The following ITPR3 variants were observed in gnomAD, a reference collection of about 807,000 sequenced individuals.
ITPR3 encodes the protein inositol 1,4,5-trisphosphate receptor type 3.
Under a neutral mutation model 293.2 loss-of-function variants are expected in ITPR3, and 173 were observed. The observed-to-expected ratio is 0.59, with a 90% CI of 0.52 to 0.67. The LOEUF is 0.67. Ranked by LOEUF, ITPR3 falls within the 30% of genes least tolerant of loss-of-function variation. The probability of loss-of-function intolerance (pLI) is 0.00; values close to 1 mark genes in which losing one functional copy is unlikely to be tolerated. For synonymous variants in ITPR3, 1,295 were observed against 1,444.4 expected, an observed-to-expected ratio of 0.90 and a Z score of 2.35; for missense variants, 2,796 against 3,592.1, an observed-to-expected ratio of 0.78 and a Z score of 5.66.
chr6:33,641,517 A>G (rs550375370), intron 2 of ITPR3, among the ~76,000 whole-genome samples: 4 of 152,250 alleles, frequency 2.6e-5, no homozygotes, highest in South Asian at 2.1e-4. Context: ...CCTGTCTGCA[A>G]TTCTGTTCCT....
intron 1 of ITPR3, among the ~76,000 whole-genome samples, chr6:33,639,170 G>A (rs957713741): frequency 2.6e-4 from 40 of 152,222 alleles, no homozygotes; most frequent in Non-Finnish European, 5.4e-4. Flanking sequence ...CACGAGGTCA[G>A]GAGTTTGAGA....
Position 33,684,561 on chromosome 6 carries a change from G to A in ITPR3, c.5047-37G>A, listed in dbSNP as rs375032560. ...TCAGGCCAGTGGTCAGTGGTGGGCT[G>A]TACCCACAATGGGGCCTCACTCCCA... On this transcript the variant is annotated intron_variant, in intron 37 of 57. Coordinates refer to ENST00000605930, the MANE Select transcript of ITPR3 (RefSeq NM_002224.4). This position sits in a 1 kb window ranked among gnomAD's most constrained non-coding sequence, Gnocchi z 4.2. 1,857 of 1,606,808 alleles carry A rather than the reference G, an allele frequency of 1.2e-3. 35 individuals carry two copies. In the South Asian group the frequency reaches 0.018, roughly 16 times the overall value.
At chr6:33,668,819 G>A (rs1051979200) in intron 17 of ITPR3, among the ~76,000 whole-genome samples, 155 bp from the exon 18 acceptor site, 1 of 152,206 alleles carries the variant, frequency 6.6e-6, no homozygotes, top group Non-Finnish European at 1.5e-5. Context: ...AAGGGGCACA[G>A]AAAAGAATGA....
intron 18 of ITPR3, 137 bp downstream of exon 18, chr6:33,669,293 C>T (rs1764696598): frequency 1.2e-6 from 1 of 837,174 alleles, no homozygotes; most frequent in African/African-American, 1.7e-5. Flanking sequence ...GGAGTCCCTG[C>T]TGTCACTCCC....
At position 33,664,798 on chromosome 6, in the gene ITPR3, G is replaced by A. The variant is rs1393405586; in HGVS notation, c.1149-72G>A. ...GTGGCAGCTGTGGCAGTGTTGGGGA[G>A]GTAGGCCGGCAGGCAGCATGACGTG... On this transcript the variant is annotated intron_variant, in intron 11 of 57. Coordinates refer to ENST00000605930, the MANE Select transcript of ITPR3 (RefSeq NM_002224.4). The surrounding 1 kb of genome is among the most constrained non-coding windows in gnomAD (Gnocchi z 4.4). 1.5e-6 allele frequency: 2 copies of A among 1,340,544 alleles called. No homozygotes were observed. The highest frequency in any genetic ancestry group is 1.8e-5 in the Admixed American group (1 of 54,166). The allele number at this position is 1,340,544 out of a possible 1,614,324, so 83.0% of individuals were successfully genotyped here.
chr6:33,667,764 G>C lies in ITPR3; in HGVS notation c.1714-28G>C. 1 of 1,612,692 alleles carries C rather than the reference G, an allele frequency of 6.2e-7. No individual in the cohort carries two copies. Among genetic ancestry groups the C allele is most frequent in the South Asian group, 1.1e-5 (1 of 90,916 alleles). ...GCCCTTGGCCCACCTGTGACTCTCT[G>C]TGACCCCCAGCCTGTCTGCCCCCCC... On this transcript the variant is annotated intron_variant, in intron 15 of 57. Coordinates refer to ENST00000605930, the MANE Select transcript of ITPR3 (RefSeq NM_002224.4). This position sits in a 1 kb window ranked among gnomAD's most constrained non-coding sequence, Gnocchi z 4.4.
At position 33,679,457 on chromosome 6, in the gene ITPR3, A is replaced by C. The variant is rs1765008194; in HGVS notation, c.3973-425A>C. On this transcript the variant is annotated intron_variant, in intron 30 of 57. Transcript: ENST00000605930. The surrounding 1 kb of genome is among the most constrained non-coding windows in gnomAD (Gnocchi z 4.2). ...AGACATGATGTGCTGGAACTGCTGT[A>C]CAGTGTTAGTTTTATTAATTTCTAT... Among the ~76,000 whole-genome samples, 2 of 152,376 alleles carry C rather than the reference A, an allele frequency of 1.3e-5. No individual in the cohort carries two copies. Among genetic ancestry groups the C allele is most frequent in the South Asian group, 4.1e-4 (2 of 4,834 alleles).
chr6:33,655,981 CTG>C lies in ITPR3; in HGVS notation c.282+97_282+98del, dbSNP rs1764297391. The stretch of plus-strand genomic sequence containing the variant: ...CTGCTTGTCGGAGCCAGTAGGGGCT[CTG>C]TGGCTGAGCTGAGTGGTTTCTAAAA... On this transcript the variant is annotated intron_variant, in intron 3 of 57. Transcript: ENST00000605930. The surrounding 1 kb of genome is among the most constrained non-coding windows in gnomAD (Gnocchi z 4.9). 3 of 1,529,790 alleles carry C rather than the reference CTG, an allele frequency of 2.0e-6. No individual in the cohort carries two copies. Among genetic ancestry groups the C allele is most frequent in the Admixed American group, 3.7e-5 (2 of 54,456 alleles). The allele number at this position is 1,529,790 out of a possible 1,614,324, so 94.8% of individuals were successfully genotyped here. A position where few individuals can be genotyped will look rare whatever the true frequency, so the allele number is the denominator to read the frequency against.
Position 33,667,352 on chromosome 6 carries a change from C to T in ITPR3, c.1713+62C>T, listed in dbSNP as rs1450698257. 3.2e-6 allele frequency: 5 copies of T among 1,552,626 alleles called. No homozygotes were observed. The African/African-American group carries it at 6.8e-5, about 21-fold the overall frequency. ...ACGTTCCTTCCTCAGCAAGCGATTT[C>T]CTCAGGCACATGTGCTGTGCCAGGC... On this transcript the variant is annotated intron_variant, in intron 15 of 57. Transcript: ENST00000605930. This position sits in a 1 kb window ranked among gnomAD's most constrained non-coding sequence, Gnocchi z 4.4.
intron 56 of ITPR3, 22 bp downstream of exon 56, chr6:33,693,727 G>A (rs1765458509): frequency 6.2e-7 from 1 of 1,611,308 alleles, no homozygotes. Context: ...GGCTGTGCCA[G>A]GCCTGTGGGC....
In ITPR3 at chr6:33,667,910, C is replaced by T; in HGVS notation, c.1832C>T (p.Thr611Ile). The T allele has an allele frequency of 6.2e-7, 1 of 1,614,232 alleles. No homozygotes were observed. The highest frequency in any genetic ancestry group is 8.5e-7 in the Non-Finnish European group (1 of 1,180,038). ...NNRKLLEKHITKTEVETFVSL... is the reference protein window; with the variant it reads ...NNRKLLEKHIIKTEVETFVSL... Reference sequence around the variant, plus strand: ...CGCAAGCTCCTGGAAAAGCACATCACCAAGACCGAGGTGGAGACCTTCGTC... The same window carrying T: ...CGCAAGCTCCTGGAAAAGCACATCATCAAGACCGAGGTGGAGACCTTCGTC... The change falls in exon 16 of 58, where the codon ACC (threonine) becomes ATC (isoleucine). Residue 611 changes from threonine (T) to isoleucine (I), a missense_variant. Physicochemically the swap from Thr to Ile is moderately conservative, Grantham distance 89. Around this residue, in one of 8 missense-constraint regions of ITPR3, gnomAD observed 955 missense variants for 1,180.8 expected, o/e 0.81. Transcript: ENST00000605930. The surrounding 1 kb of genome is among the most constrained non-coding windows in gnomAD (Gnocchi z 4.4).
chr6:33,648,537 C>CT (rs11483012), intron 2 of ITPR3, among the ~76,000 whole-genome samples: 28,965 of 151,090 alleles, frequency 0.19, 3,459 homozygotes, highest in Middle Eastern at 0.29. Context: ...CTCAGTTACC[C>CT]TTTTTTTTTC....
chr6:33,639,660 A>G (rs1394466593), intron 1 of ITPR3, among the ~76,000 whole-genome samples: 1 of 151,880 alleles, frequency 6.6e-6, no homozygotes, highest in African/African-American at 2.4e-5. Context: ...GCATTGACAA[A>G]TTTTAAATGC....
rs1038112039 is a variant in ITPR3 at position 33,683,644 on chromosome 6, T to C, written c.4788+247T>C. 2.0e-5 allele frequency among the ~76,000 whole-genome samples: 3 copies of C among 152,098 alleles called. No homozygotes were observed. The highest frequency in any genetic ancestry group is 4.4e-5 in the Non-Finnish European group (3 of 68,004). ...GGCCTGCTAGTGGGGTTGGAGCTCA[T>C]GAGGGGGTCGGGACCACCCCTCACT... is the stretch of plus-strand genomic sequence containing the variant. On this transcript the variant is annotated intron_variant, in intron 35 of 57. Transcript: ENST00000605930. This position sits in a 1 kb window ranked among gnomAD's most constrained non-coding sequence, Gnocchi z 4.5.
Position 33,696,337 on chromosome 6 carries a change from G to T in ITPR3, c.*557G>T. 1 of 154,094 alleles carries T rather than the reference G, an allele frequency of 6.5e-6. No homozygotes were observed. 9.5% of individuals were successfully genotyped at this position (154,094 alleles called of 1,614,324 possible). A position where few individuals can be genotyped will look rare whatever the true frequency, so the allele number is the denominator to read the frequency against. ...GTCGTGTCCATGCCACCCCCGGCATGGCTCCAGGTGGCCTGGTGACTCCAT... is the reference window on the plus strand; with the variant it reads ...GTCGTGTCCATGCCACCCCCGGCATTGCTCCAGGTGGCCTGGTGACTCCAT... On this transcript the variant is annotated 3_prime_UTR_variant, in exon 58 of 58. Transcript: ENST00000605930.
chr6:33,659,112 G>A lies in ITPR3; in HGVS notation c.620G>A (p.Cys207Tyr). The A allele has an allele frequency of 6.2e-7, 1 of 1,613,878 alleles. No individual in the cohort carries two copies. The highest frequency in any genetic ancestry group is 2.2e-5 in the East Asian group (1 of 44,868). The change falls in exon 6 of 58, where the codon TGC becomes TAC. Residue 207 changes from cysteine (C) to tyrosine (Y), a missense_variant. Transcript: ENST00000605930. ...SNYELSDNAG[C>Y]KEVNSVNCNT... ...TACGAGCTCAGCGACAACGCCGGCT[G>A]CAAGGAGGTGAGGGGGTGGGGGGTC...
chr6:33,678,921 G>C, intron 30 of ITPR3, 82 bp downstream of exon 30: 2 of 1,395,042 alleles, frequency 1.4e-6, no homozygotes, highest in Admixed American at 2.0e-5. Context: ...CACAGAGTTA[G>C]AGAAGTCAGA....
At chr6:33,646,275 A>G (rs371672403) in intron 2 of ITPR3, among the ~76,000 whole-genome samples, 20 of 152,034 alleles carry the variant, frequency 1.3e-4, no homozygotes, top group African/African-American at 4.8e-4. Context: ...GCAACCATAT[A>G]AGAAAATCTA....
chr6:33,662,020 C>G (rs1250942897), intron 7 of ITPR3, among the ~76,000 whole-genome samples: 1 of 64,490 alleles, frequency 1.6e-5, no homozygotes, highest in Non-Finnish European at 3.8e-5. Context: ...AAAAAAAAGA[C>G]AGGATCCAAA....
Sources: gnomAD v4.1 joint callset for allele counts (sites outside exome capture counted in the v4.1 genomes callset) on GRCh38, gnomAD v4.1.1 for gene constraint, gnomAD v4.1.1 regional missense constraint, Gnocchi (gnomAD v3.1) non-coding constraint, MANE v1.5 for transcripts, NCBI Gene and HGNC (gene_info 2026-07-23, HGNC 2026-07-21) for gene names.